The following RBFOX1 variants were observed in gnomAD, a reference collection of about 807,000 sequenced individuals.
RBFOX1 encodes RNA binding fox-1 homolog 1.
In RBFOX1, 8 loss-of-function variants were observed where a neutral mutation model predicts 57.7. The ratio of observed to expected loss-of-function variants is 0.14; its 90% CI spans 0.08 to 0.25. RBFOX1 has a LOEUF of 0.25. Ranked by LOEUF, RBFOX1 falls within the 10% of genes least tolerant of loss-of-function variation. The pLI is 1.00. For synonymous variants in RBFOX1, 326 were observed against 222.4 expected, an observed-to-expected ratio of 1.47 and a Z score of -4.15; for missense variants, 611 against 548.5, an observed-to-expected ratio of 1.11 and a Z score of -1.14.
At chr16:6,115,923 A>G (rs2096491923) in intron 1 of RBFOX1, among the ~76,000 whole-genome samples, 1 of 152,176 alleles carries the variant, frequency 6.6e-6, no homozygotes, top group African/African-American at 2.4e-5. Flanking sequence ...AAATATCTCT[A>G]GTACCCAAAG....
At chr16:7,441,883 C>T (rs903652582) in intron 4 of RBFOX1, among the ~76,000 whole-genome samples, 3 of 152,178 alleles carry the variant, frequency 2.0e-5, no homozygotes, top group African/African-American at 7.2e-5. Flanking sequence ...GTAGTGCTCT[C>T]CTCCCACCCT....
chr16:7,120,040 TA>T (rs1190271949), intron 4 of RBFOX1, among the ~76,000 whole-genome samples: 3 of 83,766 alleles, frequency 3.6e-5, no homozygotes, highest in Non-Finnish European at 6.1e-5. Flanking sequence ...ATCAGTAACA[TA>T]AAATAAACTG....
intron 3 of RBFOX1, among the ~76,000 whole-genome samples, chr16:6,908,474 A>G (rs1050763046): frequency 6.6e-6 from 1 of 152,242 alleles, no homozygotes; most frequent in African/African-American, 2.4e-5. Context: ...TCTCCCCAGC[A>G]TGCCCAATCC....
intron 4 of RBFOX1, among the ~76,000 whole-genome samples, chr16:7,423,846 G>A (rs2098574240): frequency 6.6e-6 from 1 of 152,160 alleles, no homozygotes; most frequent in Non-Finnish European, 1.5e-5. Flanking sequence ...TAGCAGAAGG[G>A]TGGAGGTGGC....
chr16:7,075,839 C>T (rs932138516), intron 4 of RBFOX1, among the ~76,000 whole-genome samples: 1 of 152,032 alleles, frequency 6.6e-6, no homozygotes, highest in African/African-American at 2.4e-5. Context: ...CTCAGCTTCC[C>T]AAAGTGCTGG....
intron 15 of RBFOX1, chr16:7,710,422 G>C (rs1202657855): frequency 5.7e-6 from 8 of 1,396,828 alleles, no homozygotes; most frequent in Non-Finnish European, 7.4e-6. Flanking sequence ...TGGTTTTGCA[G>C]GGAATTTCTT....
chr16:7,173,192 C>T (rs896554018), intron 4 of RBFOX1, among the ~76,000 whole-genome samples: 6 of 152,088 alleles, frequency 3.9e-5, no homozygotes, highest in East Asian at 1.9e-4. Flanking sequence ...TTATTATTAA[C>T]GTAAAATTAA....
chr16:7,112,801 C>G (rs553422738), intron 4 of RBFOX1, among the ~76,000 whole-genome samples: 1 of 151,932 alleles, frequency 6.6e-6, no homozygotes, highest in East Asian at 1.9e-4. Flanking sequence ...TGTGTGCTTA[C>G]TCATCTGTTC....
rs115577699 is a variant in RBFOX1, at chr16:5,760,039, C to T, written c.319-107264C>T. 1.8e-3 allele frequency among the ~76,000 whole-genome samples: 272 copies of T among 151,256 alleles called. 3 individuals carry two copies. Among genetic ancestry groups the T allele is most frequent in the African/African-American group, 6.2e-3 (254 of 41,282 alleles). ...AAAAAAAAACCTTGTATTTGAGCCT[C>T]AATATGCTGAGATGTTTTGTGATCT... is the stretch of plus-strand genomic sequence containing the variant. On this transcript the variant is annotated intron_variant, in intron 3 of 19. Transcript: ENST00000641259.
intron 4 of RBFOX1, among the ~76,000 whole-genome samples, chr16:7,331,019 G>A (rs1214755684): frequency 1.3e-5 from 2 of 152,146 alleles, no homozygotes; most frequent in South Asian, 4.1e-4. Flanking sequence ...ATTGTACAAC[G>A]TGGCCACTTT....
At chr16:6,910,609 T>G (rs12934274) in intron 3 of RBFOX1, among the ~76,000 whole-genome samples, 37,608 of 152,094 alleles carry the variant, frequency 0.25, 4,844 homozygotes, top group South Asian at 0.32. Flanking sequence ...TCCGGAGGTT[T>G]TATGGGAGAA....
At chr16:7,181,660 C>T (rs539493778) in intron 4 of RBFOX1, among the ~76,000 whole-genome samples, 1 of 151,912 alleles carries the variant, frequency 6.6e-6, no homozygotes, top group Non-Finnish European at 1.5e-5. Context: ...CCTCCCAGGT[C>T]CAAGCGATTC....
chr16:6,360,853 A>C (rs1287627875), intron 2 of RBFOX1, among the ~76,000 whole-genome samples: 1 of 152,160 alleles, frequency 6.6e-6, no homozygotes, highest in Non-Finnish European at 1.5e-5. Context: ...ACAGTTGTTC[A>C]GTGTGTAGTC....
At chr16:6,792,017 C>A (rs958687639) in intron 3 of RBFOX1, among the ~76,000 whole-genome samples, 11 of 152,122 alleles carry the variant, frequency 7.2e-5, no homozygotes, top group Non-Finnish European at 1.3e-4. Flanking sequence ...TGTTTTCCTA[C>A]TTGAAAAATG....
intron 4 of RBFOX1, among the ~76,000 whole-genome samples, chr16:7,358,878 G>C (rs2097266862): frequency 6.6e-6 from 1 of 152,184 alleles, no homozygotes; most frequent in Non-Finnish European, 1.5e-5. Context: ...CTAAGGACAA[G>C]ACATGAGACA....
chr16:5,551,603 G>A (rs768699297), intron 2 of RBFOX1, among the ~76,000 whole-genome samples: 3 of 152,248 alleles, frequency 2.0e-5, no homozygotes, highest in Admixed American at 6.5e-5. Flanking sequence ...ACGGTGATTC[G>A]GTGTGTGTCC....
intron 4 of RBFOX1, among the ~76,000 whole-genome samples, chr16:7,260,551 C>T (rs1209715138): frequency 1.3e-5 from 2 of 152,110 alleles, no homozygotes; most frequent in African/African-American, 4.8e-5. Context: ...GCTGCATCTT[C>T]AGGGAATAAC....
chr16:7,229,757 AGAGG>A (rs1242798046), intron 4 of RBFOX1, among the ~76,000 whole-genome samples: 26 of 82,994 alleles, frequency 3.1e-4, no homozygotes, highest in Non-Finnish European at 5.5e-4. Context: ...GAAGGGAGAG[AGAGG>A]GAGGAAGGGA....
At chr16:6,250,642 T>C (rs1173802150) in intron 1 of RBFOX1, among the ~76,000 whole-genome samples, 1 of 152,164 alleles carries the variant, frequency 6.6e-6, no homozygotes, top group Non-Finnish European at 1.5e-5. Flanking sequence ...GGGTCATCCC[T>C]GTTTAGATTG....
Sources: allele counts gnomAD v4.1 joint callset (sites outside exome capture counted in the v4.1 genomes callset), GRCh38; gene constraint gnomAD v4.1.1; transcripts MANE v1.5; gene names NCBI Gene and HGNC (gene_info 2026-07-23, HGNC 2026-07-21).